USH2A: variants seen among roughly 807,000 people sequenced by gnomAD.
USH2A encodes the protein usherin, also known as Usher syndrome 2A (autosomal recessive, mild).
USH2A carries 443 observed loss-of-function variants against 538.9 expected under a neutral mutation model. That is an observed-to-expected ratio of 0.82 (90% CI 0.76 to 0.89). The LOEUF is 0.89. Ranked by LOEUF, USH2A falls within the 40% of genes least tolerant of loss-of-function variation. The pLI is 0.00. For synonymous variants in USH2A, 2,413 were observed against 2,273.5 expected, an observed-to-expected ratio of 1.06 and a Z score of -1.75; for missense variants, 6,633 against 6,324.8, an observed-to-expected ratio of 1.05 and a Z score of -1.65.
chr1:216,031,791 C>A (rs1198807097), intron 32 of USH2A, among the ~76,000 whole-genome samples: 1 of 152,176 alleles, frequency 6.6e-6, no homozygotes, highest in Non-Finnish European at 1.5e-5. Context: ...ATTACTTACC[C>A]AGGGTGCACA....
At chr1:215,743,635 T>G (rs1332146106) in intron 58 of USH2A, among the ~76,000 whole-genome samples, 1 of 151,194 alleles carries the variant, frequency 6.6e-6, no homozygotes, top group East Asian at 2.0e-4. Flanking sequence ...GAGACCATCC[T>G]GGCCAACATG....
At chr1:216,170,336 A>G (rs1223253232) in intron 21 of USH2A, among the ~76,000 whole-genome samples, 2 of 152,140 alleles carry the variant, frequency 1.3e-5, no homozygotes, top group Non-Finnish European at 1.5e-5. Flanking sequence ...GGTGAATACT[A>G]TGATACAAAA....
intron 9 of USH2A, among the ~76,000 whole-genome samples, chr1:216,298,083 G>T (rs2037141476): frequency 6.6e-6 from 1 of 152,068 alleles, no homozygotes; most frequent in South Asian, 2.1e-4. Context: ...AATGCCCTGA[G>T]CCTATTTTTC....
chr1:216,374,557 T>C (rs2038782057), intron 3 of USH2A, among the ~76,000 whole-genome samples: 1 of 152,174 alleles, frequency 6.6e-6, no homozygotes, highest in Non-Finnish European at 1.5e-5. Context: ...ATTTTCCCCT[T>C]TGCAATTAGC....
In USH2A at chr1:215,934,751, T is replaced by C; in HGVS notation, c.7165A>G (p.Ser2389Gly). Reference protein sequence around the residue: ...TLLNVTKVMYSGEETNLWVLI... With the variant: ...TLLNVTKVMYGGEETNLWVLI... ...ACCCAAAGGTTTGTCTCTTCTCCGC[T>C]GTACATGACTTTTGTGACATTCAGA... The change falls in exon 38 of 72, where the codon AGC becomes GGC. Residue 2389 changes from serine to glycine, a missense_variant. Transcript: ENST00000307340. The C allele has an allele frequency of 1.9e-6, 3 of 1,612,762 alleles. No individual in the cohort carries two copies. The highest frequency in any genetic ancestry group is 2.5e-6 in the Non-Finnish European group (3 of 1,179,046).
intron 11 of USH2A, among the ~76,000 whole-genome samples, chr1:216,266,837 T>A (rs959010358): frequency 1.3e-5 from 2 of 152,120 alleles, no homozygotes; most frequent in Admixed American, 1.3e-4. Flanking sequence ...CTAGGAAGAA[T>A]GAAAGACTAT....
intron 70 of USH2A, among the ~76,000 whole-genome samples, chr1:215,629,727 T>A (rs912140532): frequency 2.6e-5 from 4 of 152,064 alleles, no homozygotes; most frequent in Admixed American, 6.6e-5. Context: ...GGGCTCTGAT[T>A]TAGCTGGTCC....
At position 216,089,030 on chromosome 1, in the gene USH2A, A is replaced by G; in HGVS notation, c.4868T>C (p.Leu1623Pro). ...GTACTTACCTGTATATATCCCATCC[A>G]GAGTGATTTGGCCAAAAGCCTGATG... ...IRHQAFGQIT[L>P]DGIYTGSSAI... The change falls in exon 23 of 72, where the codon CTG becomes CCG. Residue 1623 changes from leucine (L) to proline (P), a missense_variant. Transcript: ENST00000307340. The G allele has an allele frequency of 6.2e-7, 1 of 1,613,522 alleles. No homozygotes were observed. Among genetic ancestry groups the G allele is most frequent in the South Asian group, 1.1e-5 (1 of 91,078 alleles).
chr1:216,165,292 A>T (rs2034144957), intron 21 of USH2A, among the ~76,000 whole-genome samples: 1 of 152,164 alleles, frequency 6.6e-6, no homozygotes, highest in African/African-American at 2.4e-5. Flanking sequence ...TCAAAATTTA[A>T]TAAGCCTAAG....
rs1266499977 is a variant in USH2A, at chr1:215,680,225, A to G, written c.12218T>C (p.Ile4073Thr). The G allele has an allele frequency of 3.1e-6, 5 of 1,614,054 alleles. No individual in the cohort carries two copies. The African/African-American group carries it at 4.0e-5, about 13-fold the overall frequency. ...ESSPSGLRNF[I>T]VEQKENGRAL... is the part of the protein sequence containing the mutation. ...CCGGCCATTCTCTTTCTGTTCTACTATAAAGTTTCTCAGTCCACTTGGGGA... is the reference window on the plus strand; with the variant it reads ...CCGGCCATTCTCTTTCTGTTCTACTGTAAAGTTTCTCAGTCCACTTGGGGA... The change falls in exon 62 of 72, where the codon ATA becomes ACA. Residue 4073 changes from isoleucine to threonine, a missense_variant. Ile to Thr is a moderately conservative substitution (Grantham distance 89). Transcript: ENST00000307340.
At chr1:216,319,136 C>A (rs1344040996) in intron 9 of USH2A, among the ~76,000 whole-genome samples, 1 of 152,074 alleles carries the variant, frequency 6.6e-6, no homozygotes, top group African/African-American at 2.4e-5. Context: ...AAATTCATCC[C>A]AAAGCATTTT....
intron 14 of USH2A, among the ~76,000 whole-genome samples, chr1:216,231,292 C>CAGAGAGAGAGAG (rs371376479): frequency 6.5e-4 from 37 of 56,716 alleles, no homozygotes; most frequent in African/African-American, 2.3e-3. Context: ...CACAGAGAGA[C>CAGAGAGAGAGAG]AGAGAGAGAG....
At chr1:215,709,661 A>C (rs897403486) in intron 61 of USH2A, among the ~76,000 whole-genome samples, 49 of 151,884 alleles carry the variant, frequency 3.2e-4, no homozygotes, top group African/African-American at 1.2e-3. Flanking sequence ...AAAAAAAAAA[A>C]AAAAAAAAAC....
At chr1:215,742,238 T>C (rs948751264) in intron 59 of USH2A, among the ~76,000 whole-genome samples, 2 of 152,142 alleles carry the variant, frequency 1.3e-5, no homozygotes, top group Non-Finnish European at 2.9e-5. Flanking sequence ...ACCAACTCCA[T>C]GAGAACTAGC....
chr1:215,900,864 G>C lies in USH2A; in HGVS notation c.7342C>G (p.Pro2448Ala), dbSNP rs1553274535. 1.9e-6 allele frequency: 3 copies of C among 1,613,722 alleles called. No individual in the cohort carries two copies. The highest frequency in any genetic ancestry group is 2.5e-6 in the Non-Finnish European group (3 of 1,179,760). ...VLPPRLSSATPTSLQVVWSTP... is the reference protein window; with the variant it reads ...VLPPRLSSATATSLQVVWSTP... ...GACCAGACAACCTGAAGACTGGTTG[G>C]AGTGGCAGATGAAAGCCTGGGAGGC... is the stretch of plus-strand genomic sequence containing the variant. Residue 2448 changes from proline (P) to alanine (A), a missense_variant, in exon 39 of 72, where the codon CCA (proline) becomes GCA (alanine). Pro to Ala is a conservative substitution (Grantham distance 27). Coordinates refer to ENST00000307340, the MANE Select transcript of USH2A (RefSeq NM_206933.4).
intron 13 of USH2A, among the ~76,000 whole-genome samples, chr1:216,240,313 C>T (rs1448574126): frequency 6.6e-6 from 1 of 152,048 alleles, no homozygotes; most frequent in African/African-American, 2.4e-5. Flanking sequence ...AGTATGTAAA[C>T]AGGCATTATG....
At chr1:216,184,313 T>A (rs147870901) in intron 20 of USH2A, among the ~76,000 whole-genome samples, 55 of 152,150 alleles carry the variant, frequency 3.6e-4, no homozygotes, top group African/African-American at 1.3e-3. Flanking sequence ...TCGAAGAGGC[T>A]TTGATTTTTT....
At chr1:215,631,496 G>C (rs965238400) in intron 70 of USH2A, among the ~76,000 whole-genome samples, 1 of 152,180 alleles carries the variant, frequency 6.6e-6, no homozygotes, top group African/African-American at 2.4e-5. Context: ...CCAACTTTGT[G>C]AGAGCAGTTT....
chr1:216,378,187 G>T (rs967719466), intron 3 of USH2A, among the ~76,000 whole-genome samples: 1 of 152,124 alleles, frequency 6.6e-6, no homozygotes, highest in African/African-American at 2.4e-5. Flanking sequence ...AATAATGAAG[G>T]TTGATATTAA....
Sources: gnomAD v4.1 joint callset for allele counts (sites outside exome capture counted in the v4.1 genomes callset) on GRCh38, gnomAD v4.1.1 for gene constraint, MANE v1.5 for transcripts, NCBI Gene and HGNC (gene_info 2026-07-23, HGNC 2026-07-21) for gene names.